The following FHIT variants were observed in gnomAD, a reference collection of about 807,000 sequenced individuals.
FHIT encodes the protein bis(5'-adenosyl)-triphosphatase.
In FHIT, 19 loss-of-function variants were observed where a neutral mutation model predicts 17.9. The observed-to-expected ratio is 1.06, with a 90% confidence interval of 0.74 to 1.56. The LOEUF is 1.56. FHIT is among the 40% of genes most tolerant of loss of function. The pLI is 0.00. For missense variants in FHIT, 248 were observed against 189.2 expected (o/e 1.31, Z -1.82); for synonymous variants, 81 against 69.7 (o/e 1.16, Z -0.81).
intron 5 of FHIT, among the ~76,000 whole-genome samples, chr3:60,184,642 G>A (rs952214113): frequency 7.2e-5 from 11 of 152,106 alleles, no homozygotes; most frequent in Non-Finnish European, 1.5e-4. Context: ...GCATTCTGAA[G>A]TTACTCTTTT....
chr3:59,854,025 C>T (rs1702049976), intron 8 of FHIT, among the ~76,000 whole-genome samples: 1 of 150,908 alleles, frequency 6.6e-6, no homozygotes. Context: ...GAACAGACTT[C>T]TAAAAAAAAC....
intron 3 of FHIT, among the ~76,000 whole-genome samples, chr3:61,025,340 C>A (rs1346649371): frequency 6.6e-6 from 1 of 152,168 alleles, no homozygotes; most frequent in African/African-American, 2.4e-5. Context: ...AGAGTAAAGG[C>A]CCCAAAAGTA....
intron 4 of FHIT, among the ~76,000 whole-genome samples, chr3:60,628,567 G>C (rs2039355611): frequency 6.6e-6 from 1 of 152,056 alleles, no homozygotes; most frequent in Admixed American, 6.6e-5. Flanking sequence ...TAAATTCAAG[G>C]GCCTTTGGGA....
In FHIT at chr3:60,268,795, T is replaced by C. The variant is rs139191525; in HGVS notation, c.104-254643A>G. Reference sequence around the variant, plus strand: ...GGGAAAGGGGCATTAAGGTTGCAGATGATGAAGGTTGCTAATCTGCTGGCC... The same window carrying C: ...GGGAAAGGGGCATTAAGGTTGCAGACGATGAAGGTTGCTAATCTGCTGGCC... On this transcript the variant is annotated intron_variant, in intron 5 of 9. Coordinates refer to ENST00000492590, the MANE Select transcript of FHIT (RefSeq NM_002012.4). 6.6e-4 allele frequency among the ~76,000 whole-genome samples: 101 copies of C among 152,188 alleles called. 1 individual carries two copies. Among genetic ancestry groups the C allele is most frequent in the Middle Eastern group, 3.4e-3 (1 of 294 alleles).
intron 5 of FHIT, among the ~76,000 whole-genome samples, chr3:60,025,484 A>G (rs1700706328): frequency 1.3e-5 from 2 of 152,250 alleles, no homozygotes; most frequent in South Asian, 4.2e-4. Flanking sequence ...CTAAAGAGTA[A>G]GAAAAGAAGT....
At chr3:60,283,835 A>G (rs1254777224) in intron 5 of FHIT, among the ~76,000 whole-genome samples, 3 of 152,080 alleles carry the variant, frequency 2.0e-5, no homozygotes, top group East Asian at 1.9e-4. Context: ...AAAGGAGACT[A>G]TGGGCCAAAG....
intron 2 of FHIT, among the ~76,000 whole-genome samples, chr3:61,081,462 G>A (rs1292681715): frequency 1.3e-5 from 2 of 152,204 alleles, no homozygotes; most frequent in African/African-American, 4.8e-5. Flanking sequence ...AATCTTTGAT[G>A]CATTATGTTC....
chr3:60,672,874 C>CATGTGTGTGTGT (rs71092628), intron 4 of FHIT, among the ~76,000 whole-genome samples: 6,281 of 139,468 alleles, frequency 0.045, 309 homozygotes, highest in Admixed American at 0.1. Context: ...CTCTTTGTAG[C>CATGTGTGTGTGT]GTGTGTGTGT....
At chr3:60,302,202 AT>A (rs989937905) in intron 5 of FHIT, among the ~76,000 whole-genome samples, 3 of 151,958 alleles carry the variant, frequency 2.0e-5, no homozygotes, top group Non-Finnish European at 2.9e-5. Flanking sequence ...CTTTTTTTAA[AT>A]TTTTATCTCT....
intron 5 of FHIT, among the ~76,000 whole-genome samples, chr3:60,343,335 C>A (rs761668447): frequency 1.3e-5 from 2 of 152,010 alleles, no homozygotes; most frequent in African/African-American, 4.8e-5. Flanking sequence ...TAATCAAAAG[C>A]CTGATTAAAA....
chr3:61,153,846 C>A (rs1484121123), intron 2 of FHIT, among the ~76,000 whole-genome samples: 2 of 152,028 alleles, frequency 1.3e-5, no homozygotes, highest in Non-Finnish European at 2.9e-5. Context: ...AGGGGCCCAG[C>A]CTTAAATTAT....
intron 8 of FHIT, among the ~76,000 whole-genome samples, chr3:59,798,150 C>T (rs1444870176): frequency 2.0e-5 from 3 of 152,150 alleles, no homozygotes; most frequent in South Asian, 4.1e-4. Context: ...TTCATGTCCC[C>T]TTTTTGGCTG....
chr3:59,971,822 T>A (rs1342449018), intron 7 of FHIT, among the ~76,000 whole-genome samples: 1 of 152,154 alleles, frequency 6.6e-6, no homozygotes, highest in Non-Finnish European at 1.5e-5. Context: ...CAAGGGTCAC[T>A]GTGCAGATGA....
rs150524968 is a variant in FHIT at position 60,273,977 on chromosome 3, G to A, written c.104-259825C>T. On this transcript the variant is annotated intron_variant, in intron 5 of 9. Transcript: ENST00000492590. ...TTTATTAAAATAATTAATATTTAACGAAGACAATTGAAAGAACACAACTAT... is the reference window on the plus strand; with the variant it reads ...TTTATTAAAATAATTAATATTTAACAAAGACAATTGAAAGAACACAACTAT... Among the ~76,000 whole-genome samples the A allele has an allele frequency of 3.6e-3, 552 of 152,108 alleles. 11 individuals are homozygous for A. Among genetic ancestry groups the A allele is most frequent in the Non-Finnish European group, 2.3e-3 (154 of 67,992 alleles).
At chr3:61,205,055 A>C (rs1209606392) in intron 1 of FHIT, among the ~76,000 whole-genome samples, 4 of 145,848 alleles carry the variant, frequency 2.7e-5, no homozygotes, top group Admixed American at 2.2e-4. Flanking sequence ...CCCACCTATG[A>C]GTGAGAACAT....
intron 4 of FHIT, among the ~76,000 whole-genome samples, chr3:60,719,097 G>C (rs1314269979): frequency 6.6e-6 from 1 of 152,160 alleles, no homozygotes; most frequent in East Asian, 1.9e-4. Flanking sequence ...AAGTCCCTTA[G>C]CCTCTCTCCA....
chr3:60,390,396 T>TGAAAAAAAAAA (rs1701174274), intron 5 of FHIT, among the ~76,000 whole-genome samples: 1 of 32,028 alleles, frequency 3.1e-5, no homozygotes, highest in African/African-American at 1.2e-4. Flanking sequence ...GTAATGGAGC[T>TGAAAAAAAAAA]AAAAAAAAAA....
intron 5 of FHIT, among the ~76,000 whole-genome samples, chr3:60,394,877 A>G (rs948051832): frequency 6.6e-6 from 1 of 152,176 alleles, no homozygotes; most frequent in African/African-American, 2.4e-5. Context: ...CCGTGGCCAT[A>G]AAAATAGAAG....
At chr3:60,760,328 G>C (rs1553719428) in intron 4 of FHIT, among the ~76,000 whole-genome samples, 1 of 152,230 alleles carries the variant, frequency 6.6e-6, no homozygotes, top group East Asian at 1.9e-4. Flanking sequence ...AGGCTAGTGA[G>C]AGCATGTGGA....
Sources: gnomAD v4.1 joint callset for allele counts (sites outside exome capture counted in the v4.1 genomes callset) on GRCh38, gnomAD v4.1.1 for gene constraint, MANE v1.5 for transcripts, NCBI Gene and HGNC (gene_info 2026-07-23, HGNC 2026-07-21) for gene names.